Variants in UNC5D observed in about 807,000 individuals in gnomAD.
UNC5D encodes unc-5 netrin receptor D.
In UNC5D, 39 loss-of-function variants were observed where a neutral mutation model predicts 105.4. That is an observed-to-expected ratio of 0.37 (90% CI 0.29 to 0.48). UNC5D has a LOEUF of 0.48. Ranked by LOEUF, UNC5D falls within the 20% of genes least tolerant of loss-of-function variation. The pLI, the probability that UNC5D is intolerant of heterozygous loss-of-function variation, is 0.98. For synonymous variants in UNC5D, 452 were observed against 450.4 expected, an observed-to-expected ratio of 1.00 and a Z score of -0.04; for missense variants, 991 against 1,202.4, an observed-to-expected ratio of 0.82 and a Z score of 2.60.
intron 16 of UNC5D, among the ~76,000 whole-genome samples, chr8:35,775,058 G>A (rs142804769): frequency 1.3e-5 from 2 of 152,206 alleles, no homozygotes; most frequent in African/African-American, 2.4e-5. Flanking sequence ...CCAAATGGGC[G>A]ATTAGACTAT....
intron 4 of UNC5D, among the ~76,000 whole-genome samples, chr8:35,672,162 A>G (rs1199677609): frequency 6.6e-6 from 1 of 152,156 alleles, no homozygotes; most frequent in Admixed American, 6.5e-5. Flanking sequence ...TTTAACACCC[A>G]TTTATGTATG....
chr8:35,391,117 G>A (rs889961713), intron 1 of UNC5D, among the ~76,000 whole-genome samples: 2 of 152,242 alleles, frequency 1.3e-5, no homozygotes, highest in South Asian at 4.1e-4. Context: ...GTAGGCATAG[G>A]AGGAACAGTC....
chr8:35,501,437 C>T (rs1386718428), intron 1 of UNC5D, among the ~76,000 whole-genome samples: 2 of 152,154 alleles, frequency 1.3e-5, no homozygotes, highest in African/African-American at 2.4e-5. Flanking sequence ...ATGGGCAGAG[C>T]CCCTGAGTGG....
chr8:35,639,374 C>A (rs1164800356), intron 4 of UNC5D, among the ~76,000 whole-genome samples: 1 of 152,114 alleles, frequency 6.6e-6, no homozygotes, highest in African/African-American at 2.4e-5. Context: ...AAAATTAATT[C>A]AATTGTTAAC....
intron 1 of UNC5D, among the ~76,000 whole-genome samples, chr8:35,480,667 T>C (rs1810427394): frequency 6.6e-6 from 1 of 152,200 alleles, no homozygotes; most frequent in Non-Finnish European, 1.5e-5. Flanking sequence ...TTTATGTTCT[T>C]TTGAGGCTTA....
intron 4 of UNC5D, among the ~76,000 whole-genome samples, chr8:35,627,260 T>A (rs1821746328): frequency 6.6e-6 from 1 of 152,196 alleles, no homozygotes. Flanking sequence ...CAATGACCTT[T>A]AAGGTAGAGT....
At chr8:35,606,961 G>T (rs1820334508) in intron 4 of UNC5D, among the ~76,000 whole-genome samples, 1 of 152,154 alleles carries the variant, frequency 6.6e-6, no homozygotes, top group African/African-American at 2.4e-5. Context: ...GTTATTTAGA[G>T]GCTGAACTCT....
chr8:35,750,930 C>G (rs1830252986), intron 13 of UNC5D, 121 bp downstream of exon 13: 1 of 1,165,578 alleles, frequency 8.6e-7, no homozygotes. Context: ...GCCACTGTAA[C>G]TGCCCAGTGG....
intron 4 of UNC5D, among the ~76,000 whole-genome samples, chr8:35,669,191 T>C (rs1403778267): frequency 6.6e-6 from 1 of 152,198 alleles, no homozygotes. Flanking sequence ...TTCAATGCCT[T>C]ATGTGCATTT....
chr8:35,707,492 G>T (rs968744707), intron 8 of UNC5D, among the ~76,000 whole-genome samples: 1 of 152,138 alleles, frequency 6.6e-6, no homozygotes, highest in Admixed American at 6.5e-5. Context: ...TATGGGCATT[G>T]AGGGAGAGAG....
At chr8:35,491,785 A>G (rs1811229442) in intron 1 of UNC5D, among the ~76,000 whole-genome samples, 1 of 152,142 alleles carries the variant, frequency 6.6e-6, no homozygotes, top group South Asian at 2.1e-4. Flanking sequence ...CTTGTATTTT[A>G]AACTGCATTT....
In UNC5D at chr8:35,736,013, TTA is replaced by T. The variant is rs530093082; in HGVS notation, c.1766+4919_1766+4920del. 8.7e-4 allele frequency among the ~76,000 whole-genome samples: 133 copies of T among 152,306 alleles called. 2 individuals carry two copies. Among genetic ancestry groups the T allele is most frequent in the Admixed American group, 7.7e-3 (117 of 15,292 alleles). On this transcript the variant is annotated intron_variant, in intron 11 of 16. Transcript: ENST00000404895. The stretch of plus-strand genomic sequence containing the variant: ...GAATCTGTTTGTAGTGAACTATTCT[TTA>T]TGTTATAGTAGACATTTGTGGCTAT...
chr8:35,796,174 A>C lies in UNC5D; in HGVS notation c.*5611A>C, dbSNP rs1422363818. The C allele has an allele frequency of 6.6e-6, 1 of 152,152 alleles. No homozygotes were observed. The highest frequency in any genetic ancestry group is 1.5e-5 in the Non-Finnish European group (1 of 68,030). 9.4% of individuals were successfully genotyped at this position (152,152 alleles called of 1,614,324 possible). ...TTGACATGAAGCTGAAGGACTGAGC[A>C]AGCCAGAGGAGAGAGGTTGAATGAA... On this transcript the variant is annotated 3_prime_UTR_variant, in exon 17 of 17. Transcript: ENST00000404895.
intron 4 of UNC5D, among the ~76,000 whole-genome samples, chr8:35,629,498 A>G (rs980964849): frequency 3.3e-5 from 5 of 152,110 alleles, no homozygotes; most frequent in African/African-American, 1.2e-4. Flanking sequence ...AACATAAGGT[A>G]TTCATGGACA....
At chr8:35,540,444 GGTGTGTGTGT>G (rs11467586) in intron 1 of UNC5D, among the ~76,000 whole-genome samples, 13 of 142,792 alleles carry the variant, frequency 9.1e-5, no homozygotes, top group East Asian at 6.2e-4. Flanking sequence ...AAAGCAGAGG[GGTGTGTGTGT>G]GTGTGTGTGT....
In UNC5D at chr8:35,794,679, T is replaced by C. The variant is rs1241519576; in HGVS notation, c.*4116T>C. The C allele has an allele frequency of 6.6e-6, 1 of 152,628 alleles. No homozygotes were observed. Among genetic ancestry groups the C allele is most frequent in the Non-Finnish European group, 1.5e-5 (1 of 68,038 alleles). The allele number at this position is 152,628 out of a possible 1,614,324, so 9.5% of individuals were successfully genotyped here. The stretch of plus-strand genomic sequence containing the variant: ...ACTAATCTTAGATGTGTTGCATATT[T>C]TGTGTTTTTACGTTCCAAACTCTTT... On this transcript the variant is annotated 3_prime_UTR_variant, in exon 17 of 17. Transcript: ENST00000404895.
chr8:35,456,719 G>C (rs1311550223), intron 1 of UNC5D, among the ~76,000 whole-genome samples: 1 of 152,170 alleles, frequency 6.6e-6, no homozygotes, highest in Non-Finnish European at 1.5e-5. Flanking sequence ...TCATCTGTCA[G>C]CATATTTGTT....
intron 1 of UNC5D, among the ~76,000 whole-genome samples, chr8:35,343,236 C>CT (rs1183834005): frequency 6.6e-6 from 1 of 152,046 alleles, no homozygotes; most frequent in African/African-American, 2.4e-5. Context: ...TCCTCTTTTT[C>CT]TTTCCTGTCT....
intron 8 of UNC5D, among the ~76,000 whole-genome samples, chr8:35,712,940 A>G (rs1010701023): frequency 1.8e-4 from 27 of 152,112 alleles, no homozygotes; most frequent in Admixed American, 1.6e-3. Flanking sequence ...ATCATTTTCA[A>G]TTACATAAAT....
Sources: allele counts gnomAD v4.1 joint callset (sites outside exome capture counted in the v4.1 genomes callset), GRCh38; gene constraint gnomAD v4.1.1; transcripts MANE v1.5; gene names NCBI Gene and HGNC (gene_info 2026-07-23, HGNC 2026-07-21).